The following TGIF2 variants were observed in gnomAD, a reference collection of about 807,000 sequenced individuals.
TGIF2 encodes homeobox protein TGIF2.
TGIF2 carries 5 observed loss-of-function variants against 15.1 expected under a neutral mutation model. The observed-to-expected ratio is 0.33, with a 90% confidence interval of 0.17 to 0.70. The LOEUF is 0.70. Ranked by LOEUF, TGIF2 falls within the 30% of genes least tolerant of loss-of-function variation. The pLI, the probability that TGIF2 is intolerant of heterozygous loss-of-function variation, is 0.67. For synonymous variants in TGIF2, 131 were observed against 128.9 expected (o/e 1.02, Z -0.11); for missense variants, 264 against 302.5 (o/e 0.87, Z 0.94).
chr20:36,578,932 G>A lies in TGIF2; in HGVS notation c.158G>A (p.Ser53Asn). The A allele has an allele frequency of 6.2e-7, 1 of 1,614,178 alleles. No homozygotes were observed. ...NAYPSEQEKL[S>N]LSGQTNLSVL... ...TACCCCTCAGAGCAGGAGAAGCTGA[G>A]CCTTTCTGGACAGACCAACCTGTCA... Residue 53 changes from serine (S) to asparagine (N), a missense_variant, in exon 2 of 3, where the codon AGC (serine) becomes AAC (asparagine). Ser to Asn is a conservative substitution (Grantham distance 46). Coordinates refer to ENST00000373872, the MANE Select transcript of TGIF2 (RefSeq NM_021809.7).
At chr20:36,573,475 G>C (rs886500368), upstream of TGIF2, 4 of 151,186 alleles carry the variant, frequency 2.6e-5, no homozygotes, top group Non-Finnish European at 5.9e-5. Flanking sequence ...CCTCGGCGCC[G>C]ACGGCCCGCC....
In TGIF2 at chr20:36,591,160, G is replaced by A. The variant is rs374216319; in HGVS notation, c.443G>A (p.Arg148His). Residue 148 changes from arginine to histidine, a missense_variant, in exon 3 of 3, where the codon CGT becomes CAT. Transcript: ENST00000373872. The surrounding 1 kb of genome is among the most constrained non-coding windows in gnomAD (Gnocchi z 5.3). ...QGEKPAAPFP[R>H]GELESPKPLV... ...GAAAAGCCAGCAGCCCCTTTCCCAC[G>A]TGGGGAGCTGGAGTCTCCCAAGCCC... 21 of 1,613,944 alleles carry A rather than the reference G, an allele frequency of 1.3e-5. No homozygotes were observed. Among genetic ancestry groups the A allele is most frequent in the African/African-American group, 2.7e-5 (2 of 74,916 alleles).
At chr20:36,583,532 G>T (rs1224271003) in intron 2 of TGIF2, among the ~76,000 whole-genome samples, 4 of 152,086 alleles carry the variant, frequency 2.6e-5, no homozygotes, top group Admixed American at 6.6e-5. Flanking sequence ...AGGCCAAGGC[G>T]GGTGGATTAC....
intron 2 of TGIF2, among the ~76,000 whole-genome samples, chr20:36,585,482 A>C (rs532200223): frequency 3.3e-5 from 5 of 151,040 alleles, no homozygotes; most frequent in Admixed American, 6.7e-5. Context: ...AAAAAAAAAA[A>C]AAAAAACTCC....
rs932370808 is a variant in TGIF2 at position 36,592,349 on chromosome 20, G to A, written c.*918G>A. On this transcript the variant is annotated 3_prime_UTR_variant, in exon 3 of 3. Coordinates refer to ENST00000373872, the MANE Select transcript of TGIF2 (RefSeq NM_021809.7). The stretch of plus-strand genomic sequence containing the variant: ...TTTAATTTTTATTGTAGTTTTTTTG[G>A]GTGGGTGGGGGAAGTAAACTAGACT... 1.3e-5 allele frequency: 2 copies of A among 152,066 alleles called. No individual in the cohort carries two copies. Among genetic ancestry groups the A allele is most frequent in the Non-Finnish European group, 2.9e-5 (2 of 68,012 alleles). The allele number at this position is 152,066 out of a possible 1,614,324, so 9.4% of individuals were successfully genotyped here.
chr20:36,574,149 C>T (rs998799010), intron 1 of TGIF2, among the ~76,000 whole-genome samples: 4 of 149,792 alleles, frequency 2.7e-5, no homozygotes, highest in African/African-American at 7.4e-5. Flanking sequence ...GGACAGGGGG[C>T]GGCCGAGAGT....
Position 36,579,123 on chromosome 20 carries a change from C to T in TGIF2, c.192+157C>T, listed in dbSNP as rs149341640. Among the ~76,000 whole-genome samples, 837 of 152,298 alleles carry T rather than the reference C, an allele frequency of 5.5e-3. 9 individuals carry two copies. The highest frequency in any genetic ancestry group is 0.02 in the African/African-American group (812 of 41,566). ...AGGGGAGAACACCCACTCTCCCTGT[C>T]TCAAGGGAAGACAATGAAATAGGGT... is the stretch of plus-strand genomic sequence containing the variant. On this transcript the variant is annotated intron_variant, in intron 2 of 2. Coordinates refer to ENST00000373872, the MANE Select transcript of TGIF2 (RefSeq NM_021809.7).
At chr20:36,588,238 G>A (rs575494311) in intron 2 of TGIF2, among the ~76,000 whole-genome samples, 1 of 152,014 alleles carries the variant, frequency 6.6e-6, no homozygotes, top group South Asian at 2.1e-4. Context: ...TACCCTCCAG[G>A]CTTGTATGCA....
intron 2 of TGIF2, among the ~76,000 whole-genome samples, chr20:36,580,792 C>T (rs917045350): frequency 2.7e-5 from 3 of 110,842 alleles, no homozygotes; most frequent in Non-Finnish European, 5.0e-5. Flanking sequence ...CCAGACTGGG[C>T]GAAGGAGTGA....
rs753154241 is a variant in TGIF2 at position 36,578,764 on chromosome 20, C to A, written c.-11C>A. ...AGGTTTACCCAAGGTCCAGCCTAGCCCCTAGGCACCATGTCGGACAGTGAT... is the reference window on the plus strand; with the variant it reads ...AGGTTTACCCAAGGTCCAGCCTAGCACCTAGGCACCATGTCGGACAGTGAT... On this transcript the variant is annotated 5_prime_UTR_variant, in exon 2 of 3. Coordinates refer to ENST00000373872, the MANE Select transcript of TGIF2 (RefSeq NM_021809.7). 1 of 1,606,486 alleles carries A rather than the reference C, an allele frequency of 6.2e-7. No individual in the cohort carries two copies. Among genetic ancestry groups the A allele is most frequent in the East Asian group, 2.2e-5 (1 of 44,796 alleles).
intron 2 of TGIF2, among the ~76,000 whole-genome samples, chr20:36,584,974 A>C (rs996573304): frequency 6.6e-6 from 1 of 152,136 alleles, no homozygotes; most frequent in Non-Finnish European, 1.5e-5. Flanking sequence ...AGGCAAACGG[A>C]TCACCTGGGG....
chr20:36,583,941 C>A (rs1397657412), intron 2 of TGIF2, among the ~76,000 whole-genome samples: 1 of 152,088 alleles, frequency 6.6e-6, no homozygotes, highest in Non-Finnish European at 1.5e-5. Context: ...GTTGCAGGTA[C>A]CTGTAATCCC....
At chr20:36,575,202 C>G (rs1471891904) in intron 1 of TGIF2, among the ~76,000 whole-genome samples, 4 of 151,828 alleles carry the variant, frequency 2.6e-5, no homozygotes, top group Admixed American at 6.6e-5. Context: ...GTTTGTAAGG[C>G]TTGAGCGATG....
intron 1 of TGIF2, among the ~76,000 whole-genome samples, chr20:36,575,086 C>T (rs2038398189): frequency 6.6e-6 from 1 of 151,228 alleles, no homozygotes; most frequent in African/African-American, 2.4e-5. Flanking sequence ...CGTGGGTGGG[C>T]GGGTACAGAA....
intron 2 of TGIF2, among the ~76,000 whole-genome samples, chr20:36,584,279 G>A (rs2038606935): frequency 6.6e-6 from 1 of 152,094 alleles, no homozygotes; most frequent in African/African-American, 2.4e-5. Flanking sequence ...ACAGCACTGG[G>A]ACACTAAACT....
At chr20:36,588,895 C>T (rs1186941435) in intron 2 of TGIF2, among the ~76,000 whole-genome samples, 2 of 152,202 alleles carry the variant, frequency 1.3e-5, no homozygotes, top group African/African-American at 4.8e-5. Context: ...TTCCATGGTG[C>T]TCTGGCCTGG....
chr20:36,579,095 G>T (rs1217880000), intron 2 of TGIF2, 129 bp downstream of exon 2: 2 of 1,296,274 alleles, frequency 1.5e-6, no homozygotes, highest in Non-Finnish European at 1.0e-6. Flanking sequence ...TTCTTCTTGG[G>T]TTAGGGGAGA....
In TGIF2 at chr20:36,591,069, G is replaced by T; in HGVS notation, c.352G>T (p.Val118Phe). ...CAGCCCCTCAGTGCTGGCTGTGTCT[G>T]TCCCAGCCCCCACCAATGTGCTCTC... Reference protein sequence around the residue: ...GSSPSVLAVSVPAPTNVLSLS... With the variant: ...GSSPSVLAVSFPAPTNVLSLS... Residue 118 changes from valine (V) to phenylalanine (F), a missense_variant, in exon 3 of 3, where the codon GTC becomes TTC. Coordinates refer to ENST00000373872, the MANE Select transcript of TGIF2 (RefSeq NM_021809.7). This position sits in a 1 kb window ranked among gnomAD's most constrained non-coding sequence, Gnocchi z 5.3. 6.3e-7 allele frequency: 1 copy of T among 1,598,018 alleles called. No individual in the cohort carries two copies. The highest frequency in any genetic ancestry group is 8.6e-7 in the Non-Finnish European group (1 of 1,167,850).
intron 1 of TGIF2, among the ~76,000 whole-genome samples, chr20:36,577,077 A>C (rs1245453195): frequency 6.6e-6 from 1 of 152,142 alleles, no homozygotes; most frequent in Non-Finnish European, 1.5e-5. Context: ...CACTGGTGCG[A>C]TCATAGCTCA....
Sources: allele counts gnomAD v4.1 joint callset (sites outside exome capture counted in the v4.1 genomes callset), GRCh38; gene constraint gnomAD v4.1.1; non-coding constraint Gnocchi (gnomAD v3.1); transcripts MANE v1.5; gene names NCBI Gene and HGNC (gene_info 2026-07-23, HGNC 2026-07-21).